GLS: variants seen among roughly 807,000 people sequenced by gnomAD.
GLS encodes the protein glutaminase kidney isoform, mitochondrial.
A neutral mutation model predicts 86.7 loss-of-function variants in GLS; 36 were observed. The observed-to-expected ratio is 0.42, with a 90% CI of 0.32 to 0.55. The LOEUF is 0.55. Ranked by LOEUF, GLS falls within the 20% of genes least tolerant of loss-of-function variation. The pLI is 0.17. For missense variants in GLS, 528 were observed against 833.4 expected, an observed-to-expected ratio of 0.63 and a Z score of 4.51; for synonymous variants, 317 against 305.9, an observed-to-expected ratio of 1.04 and a Z score of -0.38.
chr2:190,910,430 T>G lies in GLS; in HGVS notation c.1038+109T>G, dbSNP rs1019777575. 8.3e-6 allele frequency: 5 copies of G among 599,832 alleles called. No individual in the cohort carries two copies. In the East Asian group the frequency reaches 1.4e-4, roughly 17 times the overall value. The allele number at this position is 599,832 out of a possible 1,614,324, so 37.2% of individuals were successfully genotyped here. ...ATGTAGAATTATGAAAAATTTTCTC[T>G]TGGTGTTAAGAAATTTGTCTTATGG... is the stretch of plus-strand genomic sequence containing the variant. On this transcript the variant is annotated intron_variant, in intron 7 of 17. Coordinates refer to ENST00000320717, the MANE Select transcript of GLS (RefSeq NM_014905.5).
intron 6 of GLS, among the ~76,000 whole-genome samples, chr2:190,908,781 A>C (rs1244627851): frequency 6.6e-6 from 1 of 152,240 alleles, no homozygotes; most frequent in East Asian, 1.9e-4. Context: ...TTTTGAGCCA[A>C]AGGCAGAATG....
intron 7 of GLS, among the ~76,000 whole-genome samples, chr2:190,917,794 T>A (rs750970604): frequency 9.4e-5 from 14 of 149,266 alleles, no homozygotes; most frequent in African/African-American, 3.0e-4. Flanking sequence ...AAAGAAATAT[T>A]TTTTTTTTTT....
intron 1 of GLS, among the ~76,000 whole-genome samples, chr2:190,890,067 G>C (rs758761818): frequency 1.3e-5 from 2 of 152,070 alleles, no homozygotes; most frequent in Non-Finnish European, 2.9e-5. Context: ...AACAAAGGAT[G>C]AGCTTTGTAG....
chr2:190,891,438 G>C (rs1171979874), intron 1 of GLS, among the ~76,000 whole-genome samples: 1 of 150,938 alleles, frequency 6.6e-6, no homozygotes, highest in Non-Finnish European at 1.5e-5. Context: ...TTTAGGGAGA[G>C]GAAGGTTTTA....
intron 17 of GLS, among the ~76,000 whole-genome samples, chr2:190,960,100 G>A (rs866136314): frequency 2.0e-5 from 3 of 152,150 alleles, no homozygotes; most frequent in Middle Eastern, 3.2e-3. Flanking sequence ...AGTGGTCAGG[G>A]AAGGGATAAG....
intron 1 of GLS, among the ~76,000 whole-genome samples, chr2:190,886,314 A>T (rs989220466): frequency 6.6e-6 from 1 of 152,164 alleles, no homozygotes; most frequent in Non-Finnish European, 1.5e-5. Flanking sequence ...TCATGCTGTT[A>T]ATTTATAGTT....
chr2:190,925,363 C>T (rs941437617), intron 11 of GLS, among the ~76,000 whole-genome samples: 4 of 152,034 alleles, frequency 2.6e-5, no homozygotes, highest in South Asian at 4.1e-4. Context: ...TGTCATATGT[C>T]GGGCTTTCTT....
At chr2:190,918,880 A>G (rs1053344398) in intron 7 of GLS, among the ~76,000 whole-genome samples, 2 of 152,166 alleles carry the variant, frequency 1.3e-5, no homozygotes, top group African/African-American at 2.4e-5. Context: ...ATGGGAATGA[A>G]CAATCAGTGA....
chr2:190,897,138 C>G lies in GLS; in HGVS notation c.605+1413C>G, dbSNP rs1688770962. Among the ~76,000 whole-genome samples the G allele has an allele frequency of 6.6e-6, 1 of 151,962 alleles. No individual in the cohort carries two copies. Among genetic ancestry groups the G allele is most frequent in the Non-Finnish European group, 1.5e-5 (1 of 68,004 alleles). On this transcript the variant is annotated intron_variant, in intron 3 of 17. Transcript: ENST00000320717. This position sits in a 1 kb window ranked among gnomAD's most constrained non-coding sequence, Gnocchi z 4.3. ...CTGCCTCCCGGGTTCAAGTGATTCT[C>G]CCACCTAAATTCCCAAGTATCTGGG...
chr2:190,927,392 A>C lies in GLS; in HGVS notation c.1335A>C (p.Glu445Asp). 6.2e-7 allele frequency: 1 copy of C among 1,613,928 alleles called. No individual in the cohort carries two copies. The highest frequency in any genetic ancestry group is 8.5e-7 in the Non-Finnish European group (1 of 1,179,858). Residue 445 changes from glutamate to aspartate, a missense_variant, in exon 12 of 18, where the codon GAA becomes GAC. By Grantham distance (45) the Glu-to-Asp change is conservative. Around this residue, in one of 4 missense-constraint regions of GLS, gnomAD observed 163 missense variants for 429.2 expected, o/e 0.38. Transcript: ENST00000320717. ...ANGGFCPITG[E>D]RVLSPEAVRN... ...GTGGTTTCTGCCCAATTACTGGTGA[A>C]AGAGTACTGAGCCCTGAAGCAGTTC... is the stretch of plus-strand genomic sequence containing the variant.
At chr2:190,907,553 G>T (rs1689199512) in intron 6 of GLS, among the ~76,000 whole-genome samples, 1 of 152,206 alleles carries the variant, frequency 6.6e-6, no homozygotes, top group Non-Finnish European at 1.5e-5. Flanking sequence ...ACCACACCTG[G>T]CAATAACAGT....
At chr2:190,926,045 A>G (rs1689885081) in intron 11 of GLS, among the ~76,000 whole-genome samples, 1 of 152,138 alleles carries the variant, frequency 6.6e-6, no homozygotes, top group Non-Finnish European at 1.5e-5. Flanking sequence ...ACATTTCTAT[A>G]CTTCATTGCA....
Position 190,895,117 on chromosome 2 carries a change from C to G in GLS, c.387-35C>G, listed in dbSNP as rs761216066. On this transcript the variant is annotated intron_variant, in intron 1 of 17. Coordinates refer to ENST00000320717, the MANE Select transcript of GLS (RefSeq NM_014905.5). The surrounding 1 kb of genome is among the most constrained non-coding windows in gnomAD (Gnocchi z 4.2). ...TTAAAAATCCAGTAGAATGTTCATA[C>G]AAGGATTAATTTTGTGTTCTTTCTA... 1 of 874,900 alleles carries G rather than the reference C, an allele frequency of 1.1e-6. No individual in the cohort carries two copies. The highest frequency in any genetic ancestry group is 1.7e-5 in the African/African-American group (1 of 60,022). The allele number at this position is 874,900 out of a possible 1,614,324, so 54.2% of individuals were successfully genotyped here.
intron 6 of GLS, among the ~76,000 whole-genome samples, chr2:190,908,842 G>A (rs1277833167): frequency 6.6e-6 from 1 of 152,212 alleles, no homozygotes; most frequent in Non-Finnish European, 1.5e-5. Flanking sequence ...AAATGATTTA[G>A]TGTTCTTTAA....
intron 1 of GLS, among the ~76,000 whole-genome samples, chr2:190,891,527 T>C (rs897016577): frequency 4.6e-5 from 7 of 151,832 alleles, no homozygotes; most frequent in Non-Finnish European, 1.0e-4. Flanking sequence ...GTCAATTACA[T>C]TGGGGAATTA....
chr2:190,928,662 C>G (rs557091803), intron 12 of GLS, among the ~76,000 whole-genome samples: 1 of 149,968 alleles, frequency 6.7e-6, no homozygotes, highest in Non-Finnish European at 1.5e-5. Context: ...GTTTGTTTGA[C>G]TTAGGATACA....
chr2:190,939,404 T>C (rs1690363792), intron 14 of GLS, among the ~76,000 whole-genome samples: 1 of 151,734 alleles, frequency 6.6e-6, no homozygotes, highest in Non-Finnish European at 1.5e-5. Context: ...AAATTTAAAC[T>C]GCCTGAGTAG....
At position 190,895,484 on chromosome 2, in the gene GLS, A is replaced by G; in HGVS notation, c.484-120A>G. The G allele has an allele frequency of 3.0e-6, 2 of 662,090 alleles. No individual in the cohort carries two copies. The highest frequency in any genetic ancestry group is 3.6e-5 in the African/African-American group (2 of 54,804). The allele number at this position is 662,090 out of a possible 1,614,324, so 41.0% of individuals were successfully genotyped here. A position where few individuals can be genotyped will look rare whatever the true frequency, so the allele number is the denominator to read the frequency against. On this transcript the variant is annotated intron_variant, in intron 2 of 17. Transcript: ENST00000320717. This position sits in a 1 kb window ranked among gnomAD's most constrained non-coding sequence, Gnocchi z 4.2. Reference sequence around the variant, plus strand: ...TGGGTAATAGTGACACTAAGATGCCATATTCATGTTCAAGTGTTGGGTAGA... The same window carrying G: ...TGGGTAATAGTGACACTAAGATGCCGTATTCATGTTCAAGTGTTGGGTAGA...
At chr2:190,937,021 A>T (rs1690290105) in intron 14 of GLS, among the ~76,000 whole-genome samples, 1 of 151,298 alleles carries the variant, frequency 6.6e-6, no homozygotes, top group African/African-American at 2.4e-5. Flanking sequence ...CCAAAACCAG[A>T]TGTTGGAGAT....
Sources: allele counts gnomAD v4.1 joint callset (sites outside exome capture counted in the v4.1 genomes callset), GRCh38; gene constraint gnomAD v4.1.1; regional missense constraint gnomAD v4.1.1; non-coding constraint Gnocchi (gnomAD v3.1); transcripts MANE v1.5; gene names NCBI Gene and HGNC (gene_info 2026-07-23, HGNC 2026-07-21).